Variants in PTCH1 observed in about 807,000 individuals in gnomAD.
PTCH1 encodes protein patched homolog 1.
In PTCH1, 14 loss-of-function variants were observed where a neutral mutation model predicts 144.6. The observed-to-expected ratio is 0.10, with a 90% CI of 0.06 to 0.15. PTCH1 has a LOEUF of 0.15. PTCH1 is among the 10% of genes least tolerant of loss of function. The pLI is 1.00. For synonymous variants in PTCH1, 833 were observed against 793.6 expected (o/e 1.05, Z -0.83); for missense variants, 1,623 against 1,948.3 (o/e 0.83, Z 3.14).
chr9:95,481,807 A>G, intron 5 of PTCH1, 142 bp downstream of exon 5: 1 of 803,636 alleles, frequency 1.2e-6, no homozygotes, highest in Non-Finnish European at 2.1e-6. Context: ...TCCCCCGACT[A>G]TTCACTCAAA....
Position 95,458,387 on chromosome 9 carries a change from C to T in PTCH1, c.2888-94G>A, listed in dbSNP as rs1472692770. On this transcript the variant is annotated intron_variant, in intron 17 of 23. Coordinates refer to ENST00000331920, the MANE Select transcript of PTCH1 (RefSeq NM_000264.5). The surrounding 1 kb of genome is among the most constrained non-coding windows in gnomAD (Gnocchi z 4.7). ...GAGAAGAACTTTGCATGAAAGCTTA[C>T]TGACTGCTCTTCTACATGATACAAA... The T allele has an allele frequency of 5.6e-6, 8 of 1,439,754 alleles. No homozygotes were observed. Among genetic ancestry groups the T allele is most frequent in the Non-Finnish European group, 7.6e-6 (8 of 1,047,048 alleles). 89.2% of individuals were successfully genotyped at this position (1,439,754 alleles called of 1,614,324 possible). A position where few individuals can be genotyped will look rare whatever the true frequency, so the allele number is the denominator to read the frequency against.
intron 2 of PTCH1, chr9:95,494,336 C>T: frequency 1.0e-6 from 1 of 985,512 alleles, no homozygotes; most frequent in Non-Finnish European, 1.2e-6. Flanking sequence ...GTCGCAGCTC[C>T]CACCAGCTCC....
rs1167629331 is a variant in PTCH1, at chr9:95,458,422, A to T, written c.2888-129T>A. The T allele has an allele frequency of 2.5e-6, 3 of 1,192,228 alleles. No homozygotes were observed. In the African/African-American group the frequency reaches 4.6e-5, roughly 18 times the overall value. The allele number at this position is 1,192,228 out of a possible 1,614,324, so 73.9% of individuals were successfully genotyped here. A position where few individuals can be genotyped will look rare whatever the true frequency, so the allele number is the denominator to read the frequency against. On this transcript the variant is annotated intron_variant, in intron 17 of 23. Transcript: ENST00000331920. This position sits in a 1 kb window ranked among gnomAD's most constrained non-coding sequence, Gnocchi z 4.7. Reference sequence around the variant, plus strand: ...TTCTACATGATACAAAGAACAAACAATGCTGATCATAGCCTCCAGGCCTTT... The same window carrying T: ...TTCTACATGATACAAAGAACAAACATTGCTGATCATAGCCTCCAGGCCTTT...
At position 95,445,450 on chromosome 9, in the gene PTCH1, A is replaced by G. The variant is rs538912814; in HGVS notation, c.*943T>C. On this transcript the variant is annotated 3_prime_UTR_variant, in exon 24 of 24. Transcript: ENST00000331920. ...ACACCCACCATGATGAACTGATGTG[A>G]GCTCCATACCCTGAGGTTCCAGCAT... The G allele has an allele frequency of 7.9e-5, 12 of 152,332 alleles. No individual in the cohort carries two copies. The highest frequency in any genetic ancestry group is 2.6e-4 in the African/African-American group (11 of 41,558). 9.4% of individuals were successfully genotyped at this position (152,332 alleles called of 1,614,324 possible). A position where few individuals can be genotyped will look rare whatever the true frequency, so the allele number is the denominator to read the frequency against.
intron 2 of PTCH1, among the ~76,000 whole-genome samples, chr9:95,496,214 A>T (rs1202820754): frequency 2.6e-5 from 4 of 152,100 alleles, no homozygotes; most frequent in Non-Finnish European, 4.4e-5. Flanking sequence ...TATGCTAATC[A>T]CCTGTCTAAC....
rs1009386754 is a variant in PTCH1, at chr9:95,458,070, G to C, written c.3111C>G (p.Ala1037=). The C allele has an allele frequency of 1.2e-6, 2 of 1,614,212 alleles. No homozygotes were observed. Among genetic ancestry groups the C allele is most frequent in the East Asian group, 2.2e-5 (1 of 44,880 alleles). Reference sequence around the variant, plus strand: ...AGACAGCGCACACGAGGAATGTGCAGGCCAACACCACGCTGATGAACAGCA... The same window carrying C: ...AGACAGCGCACACGAGGAATGTGCACGCCAACACCACGCTGATGAACAGCA... The part of the protein sequence containing the change: ...WLLLFISVVL[A]CTFLVCAVFL... The change falls in exon 18 of 24, where the codon GCC becomes GCG. Residue 1037 remains alanine (A), a synonymous_variant. Coordinates refer to ENST00000331920, the MANE Select transcript of PTCH1 (RefSeq NM_000264.5). This position sits in a 1 kb window ranked among gnomAD's most constrained non-coding sequence, Gnocchi z 4.7.
rs772121315 is a variant in PTCH1 at position 95,506,656 on chromosome 9, A to ACGCCCGCTTGCGCGCACC, written c.202-75_202-58dup. On this transcript the variant is annotated intron_variant, in intron 1 of 23. Transcript: ENST00000331920. ...CCGGGGAGTCGCGGCCCGCGCGCCCACGCCCGCTTGCGCGCACCCGCCCGG... is the reference window on the plus strand; with the variant it reads ...CCGGGGAGTCGCGGCCCGCGCGCCCACGCCCGCTTGCGCGCACCCGCCCGCTTGCGCGCACCCGCCCGG... The ACGCCCGCTTGCGCGCACC allele has an allele frequency of 0.068, 98,227 of 1,451,936 alleles. 4,600 individuals carry two copies. Among genetic ancestry groups the ACGCCCGCTTGCGCGCACC allele is most frequent in the Non-Finnish European group, 0.078 (84,605 of 1,088,088 alleles). The allele number at this position is 1,451,936 out of a possible 1,614,324, so 89.9% of individuals were successfully genotyped here.
In PTCH1 at chr9:95,508,333, G is replaced by A. The variant is rs1046883730; in HGVS notation, c.29C>T (p.Pro10Leu). Residue 10 changes from proline (P) to leucine (L), a missense_variant, in exon 1 of 24, where the codon CCC becomes CTC. Physicochemically the swap from Pro to Leu is moderately conservative, Grantham distance 98. Transcript: ENST00000331920. Reference sequence around the variant, plus strand: ...GCTGCCGCCGCCGCCGCGGTCCTGGGGCTCGGCGGCGTTACCAGCCGAGGC... The same window carrying A: ...GCTGCCGCCGCCGCCGCGGTCCTGGAGCTCGGCGGCGTTACCAGCCGAGGC... MASAGNAAEPQDRGGGGSGC... is the reference protein window; with the variant it reads MASAGNAAELQDRGGGGSGC... 1 of 1,274,606 alleles carries A rather than the reference G, an allele frequency of 7.8e-7. No homozygotes were observed. Among genetic ancestry groups the A allele is most frequent in the Non-Finnish European group, 9.9e-7 (1 of 1,012,752 alleles). 79.0% of individuals were successfully genotyped at this position (1,274,606 alleles called of 1,614,324 possible). A position where few individuals can be genotyped will look rare whatever the true frequency, so the allele number is the denominator to read the frequency against.
At chr9:95,465,992 A>T (rs1839963319) in intron 15 of PTCH1, among the ~76,000 whole-genome samples, 2 of 152,174 alleles carry the variant, frequency 1.3e-5, no homozygotes, top group Non-Finnish European at 2.9e-5. Flanking sequence ...CCTCCAGCTG[A>T]TGAATATTTC....
rs1390398176 is a variant in PTCH1, at chr9:95,461,846, G to C, written c.2703+10C>G. On this transcript the variant is annotated intron_variant, in intron 16 of 23. Coordinates refer to ENST00000331920, the MANE Select transcript of PTCH1 (RefSeq NM_000264.5). ...CTGGAAGCGCCCTCAGTGCCCAGCA[G>C]CTGGAGTACCTGGCTGATGTCGATG... 2 of 1,614,122 alleles carry C rather than the reference G, an allele frequency of 1.2e-6. No individual in the cohort carries two copies. The highest frequency in any genetic ancestry group is 1.7e-6 in the Non-Finnish European group (2 of 1,180,014).
At chr9:95,451,303 A>C (rs1838439086) in intron 20 of PTCH1, 1 of 152,208 alleles carries the variant, frequency 6.6e-6, no homozygotes, top group African/African-American at 2.4e-5. Flanking sequence ...TAAACAGGCC[A>C]ATTAGATTTC....
Position 95,480,278 on chromosome 9 carries a change from C to T in PTCH1, c.945+112G>A, listed in dbSNP as rs45619434. ...ATAAACTTAGTTCCATAGACAAAGACGATCATGGAGAATGAAATGTTAAAA... is the reference window on the plus strand; with the variant it reads ...ATAAACTTAGTTCCATAGACAAAGATGATCATGGAGAATGAAATGTTAAAA... On this transcript the variant is annotated intron_variant, in intron 6 of 23. Coordinates refer to ENST00000331920, the MANE Select transcript of PTCH1 (RefSeq NM_000264.5). 20,225 of 1,537,712 alleles carry T rather than the reference C, an allele frequency of 0.013. 168 individuals carry two copies. Among genetic ancestry groups the T allele is most frequent in the Non-Finnish European group, 0.016 (17,630 of 1,120,938 alleles).
chr9:95,467,672 C>T (rs1588570300), intron 14 of PTCH1, among the ~76,000 whole-genome samples: 2 of 152,054 alleles, frequency 1.3e-5, no homozygotes, highest in Non-Finnish European at 2.9e-5. Context: ...GGTGCCATCT[C>T]GGCTCACTGT....
upstream of PTCH1, among the ~76,000 whole-genome samples, chr9:95,510,936 C>G (rs2118933907): frequency 6.6e-6 from 1 of 150,488 alleles, no homozygotes; most frequent in Non-Finnish European, 1.5e-5. Context: ...GGGCCGGCTC[C>G]GGGCCTCCAG....
At chr9:95,504,968 A>G (rs1354666545) in intron 2 of PTCH1, among the ~76,000 whole-genome samples, 1 of 152,204 alleles carries the variant, frequency 6.6e-6, no homozygotes, top group East Asian at 1.9e-4. Context: ...CCCTTCTTTT[A>G]TCTACCAGTG....
At chr9:95,486,869 C>T (rs994120996) in intron 2 of PTCH1, among the ~76,000 whole-genome samples, 2 of 152,198 alleles carry the variant, frequency 1.3e-5, no homozygotes, top group Admixed American at 1.3e-4. Context: ...ACCCAGGAAC[C>T]TAGAGCTCCC....
At chr9:95,506,799 C>T in intron 1 of PTCH1, 200 bp from the exon 2 acceptor site, 1 of 1,103,762 alleles carries the variant, frequency 9.1e-7, no homozygotes, top group Non-Finnish European at 1.1e-6. Flanking sequence ...CGGGCCGCAG[C>T]GTGGGAGCTG....
intron 2 of PTCH1, among the ~76,000 whole-genome samples, chr9:95,498,909 C>T (rs1039039638): frequency 2.6e-5 from 4 of 152,180 alleles, no homozygotes; most frequent in East Asian, 1.9e-4. Context: ...GCTTCAGAGT[C>T]GGCCAAAATC....
chr9:95,508,884 G>C lies in PTCH1; in HGVS notation c.-523C>G, dbSNP rs1439090415. The C allele has an allele frequency of 2.1e-6, 2 of 950,264 alleles. No individual in the cohort carries two copies. Among genetic ancestry groups the C allele is most frequent in the African/African-American group, 3.6e-5 (2 of 56,338 alleles). The allele number at this position is 950,264 out of a possible 1,614,324, so 58.9% of individuals were successfully genotyped here. On this transcript the variant is annotated 5_prime_UTR_variant, in exon 1 of 24. Transcript: ENST00000331920. Reference sequence around the variant, plus strand: ...CGCGGAGGGCAAGCGCAGAGCCGCCGCCGCCGCGGGGTCCGAGGGTGCCCG... The same window carrying C: ...CGCGGAGGGCAAGCGCAGAGCCGCCCCCGCCGCGGGGTCCGAGGGTGCCCG...
Sources: gnomAD v4.1 joint callset for allele counts (sites outside exome capture counted in the v4.1 genomes callset) on GRCh38, gnomAD v4.1.1 for gene constraint, Gnocchi (gnomAD v3.1) non-coding constraint, MANE v1.5 for transcripts, NCBI Gene and HGNC (gene_info 2026-07-23, HGNC 2026-07-21) for gene names.